CNTN5: variants seen among roughly 807,000 people sequenced by gnomAD.
The protein encoded by CNTN5 is contactin-5.
In CNTN5, 77 loss-of-function variants were observed where a neutral mutation model predicts 129.1. That is an observed-to-expected ratio of 0.60 (90% confidence interval 0.50 to 0.72). CNTN5 has a LOEUF of 0.72. CNTN5 is among the 30% of genes least tolerant of loss of function. The pLI is 0.00. For missense variants in CNTN5, 1,478 were observed against 1,328.8 expected (o/e 1.11, Z -1.75); for synonymous variants, 509 against 465.6 (o/e 1.09, Z -1.20).
chr11:99,088,701 A>G (rs1336821042), intron 1 of CNTN5, among the ~76,000 whole-genome samples: 2 of 152,202 alleles, frequency 1.3e-5, no homozygotes, highest in African/African-American at 4.8e-5. Flanking sequence ...CAATCTAGGC[A>G]CTGAGTAGCC....
intron 7 of CNTN5, among the ~76,000 whole-genome samples, chr11:99,946,369 G>A (rs564048181): frequency 6.6e-6 from 1 of 152,190 alleles, no homozygotes; most frequent in Admixed American, 6.5e-5. Context: ...CAGAGGCTTA[G>A]TGGGAAAAAT....
At chr11:99,406,929 G>A (rs1436829269) in intron 2 of CNTN5, among the ~76,000 whole-genome samples, 2 of 148,792 alleles carry the variant, frequency 1.3e-5, no homozygotes, top group Non-Finnish European at 3.0e-5. Context: ...TCTAGCCTGG[G>A]ACTCACCCTT....
At chr11:99,814,179 G>T (rs1319160629) in intron 3 of CNTN5, among the ~76,000 whole-genome samples, 4 of 152,148 alleles carry the variant, frequency 2.6e-5, no homozygotes, top group African/African-American at 9.7e-5. Context: ...CACAAATACA[G>T]GGATTGGCCT....
chr11:99,839,026 G>T (rs985535381), intron 4 of CNTN5, among the ~76,000 whole-genome samples: 1 of 151,824 alleles, frequency 6.6e-6, no homozygotes, highest in Non-Finnish European at 1.5e-5. Flanking sequence ...TTCACAAGTA[G>T]GTTTGGAAAA....
chr11:99,806,677 C>T (rs772035394), intron 3 of CNTN5, among the ~76,000 whole-genome samples: 3 of 151,734 alleles, frequency 2.0e-5, no homozygotes, highest in Non-Finnish European at 4.4e-5. Context: ...TGTGGTGGCG[C>T]GCACCTCTAA....
At chr11:99,804,480 C>T (rs77118055) in intron 3 of CNTN5, among the ~76,000 whole-genome samples, 5,296 of 151,384 alleles carry the variant, frequency 0.035, 138 homozygotes, top group South Asian at 0.097. Flanking sequence ...CCCCTCAATT[C>T]TATTAGTTCA....
chr11:100,338,099 A>G (rs879320077), intron 21 of CNTN5, among the ~76,000 whole-genome samples: 12 of 152,214 alleles, frequency 7.9e-5, no homozygotes, highest in Admixed American at 2.0e-4. Flanking sequence ...ATAAAAACAT[A>G]CAAAAGACGA....
At chr11:99,902,165 T>G (rs746786079) in intron 6 of CNTN5, among the ~76,000 whole-genome samples, 1 of 152,030 alleles carries the variant, frequency 6.6e-6, no homozygotes, top group Non-Finnish European at 1.5e-5. Flanking sequence ...ATTAGTAACC[T>G]TTTCTACTCC....
intron 1 of CNTN5, among the ~76,000 whole-genome samples, chr11:99,311,563 C>T (rs1865117823): frequency 6.6e-6 from 1 of 152,034 alleles, no homozygotes; most frequent in Admixed American, 6.6e-5. Context: ...TAAAATTTGT[C>T]CCTAGAGTCA....
intron 1 of CNTN5, among the ~76,000 whole-genome samples, chr11:99,312,718 A>C (rs1265051591): frequency 6.6e-6 from 1 of 152,136 alleles, no homozygotes; most frequent in African/African-American, 2.4e-5. Context: ...GCAACATTTT[A>C]GTAAGTATTC....
intron 21 of CNTN5, among the ~76,000 whole-genome samples, chr11:100,324,801 A>G (rs1459465767): frequency 6.6e-6 from 1 of 152,176 alleles, no homozygotes; most frequent in Non-Finnish European, 1.5e-5. Flanking sequence ...TGCATTTTAA[A>G]CTTTCTCACC....
chr11:99,953,069 A>C (rs1591473414), intron 7 of CNTN5, among the ~76,000 whole-genome samples: 1 of 152,204 alleles, frequency 6.6e-6, no homozygotes, highest in Non-Finnish European at 1.5e-5. Context: ...AGTTATATTA[A>C]AGAATGTTGA....
At chr11:99,439,622 C>T (rs1325494654) in intron 2 of CNTN5, among the ~76,000 whole-genome samples, 3 of 148,078 alleles carry the variant, frequency 2.0e-5, no homozygotes, top group African/African-American at 5.0e-5. Context: ...GCAGGAGAAT[C>T]GCTTGAACCC....
chr11:100,278,848 A>G (rs1303196271), intron 18 of CNTN5, among the ~76,000 whole-genome samples: 1 of 152,030 alleles, frequency 6.6e-6, no homozygotes, highest in East Asian at 1.9e-4. Flanking sequence ...TATGCTGAAA[A>G]ATAGTGGTGA....
At chr11:99,462,955 A>G (rs112337102) in intron 2 of CNTN5, among the ~76,000 whole-genome samples, 1,870 of 151,780 alleles carry the variant, frequency 0.012, 43 homozygotes, top group African/African-American at 0.043. Context: ...ACAAACAAAA[A>G]AAATTAGCCG....
At chr11:99,845,713 C>G (rs757779288) in intron 6 of CNTN5, among the ~76,000 whole-genome samples, 1 of 152,074 alleles carries the variant, frequency 6.6e-6, no homozygotes, top group Admixed American at 6.6e-5. Flanking sequence ...ATTTGCTGTC[C>G]TCAAAATAAA....
intron 3 of CNTN5, among the ~76,000 whole-genome samples, chr11:99,602,293 TAAG>T (rs1342584031): frequency 6.6e-6 from 1 of 152,048 alleles, no homozygotes. Context: ...ATAATAATAA[TAAG>T]AAACATATTT....
intron 8 of CNTN5, among the ~76,000 whole-genome samples, chr11:99,971,752 G>T (rs1303355160): frequency 1.3e-5 from 2 of 151,594 alleles, no homozygotes; most frequent in Non-Finnish European, 2.9e-5. Context: ...GTTTTGTTAT[G>T]GCTAAAGTTT....
At chr11:99,435,660 C>A (rs1012737584) in intron 2 of CNTN5, among the ~76,000 whole-genome samples, 2 of 152,170 alleles carry the variant, frequency 1.3e-5, no homozygotes, top group African/African-American at 4.8e-5. Context: ...CTTAAATATG[C>A]CAAATAACTT....
Sources: allele counts gnomAD v4.1 joint callset (sites outside exome capture counted in the v4.1 genomes callset), GRCh38; gene constraint gnomAD v4.1.1; transcripts MANE v1.5; gene names NCBI Gene and HGNC (gene_info 2026-07-23, HGNC 2026-07-21).